PTPRT: variants seen among roughly 807,000 people sequenced by gnomAD.
PTPRT encodes protein tyrosine phosphatase receptor type T.
Under a neutral mutation model 176.8 loss-of-function variants are expected in PTPRT, and 56 were observed. The observed-to-expected ratio is 0.32, with a 90% CI of 0.26 to 0.40. The LOEUF is 0.40. Ranked by LOEUF, PTPRT falls within the 10% of genes least tolerant of loss-of-function variation. The pLI, the probability that PTPRT is intolerant of heterozygous loss-of-function variation, is 1.00. For synonymous variants in PTPRT, 783 were observed against 739.0 expected (o/e 1.06, Z -0.96); for missense variants, 1,540 against 1,908.2 (o/e 0.81, Z 3.60).
At chr20:42,712,298 C>T (rs1008055713) in intron 6 of PTPRT, among the ~76,000 whole-genome samples, 2 of 152,086 alleles carry the variant, frequency 1.3e-5, no homozygotes, top group African/African-American at 2.4e-5. Flanking sequence ...TTTCTCAGGC[C>T]ACAACTGGCT....
intron 16 of PTPRT, among the ~76,000 whole-genome samples, chr20:42,194,638 G>A (rs766614523): frequency 6.6e-6 from 1 of 152,150 alleles, no homozygotes; most frequent in African/African-American, 2.4e-5. Flanking sequence ...GCAAAAGATC[G>A]CAGAGAAAAA....
chr20:43,110,830 T>C (rs539293010), intron 1 of PTPRT, among the ~76,000 whole-genome samples: 1 of 152,210 alleles, frequency 6.6e-6, no homozygotes, highest in East Asian at 1.9e-4. Flanking sequence ...AAGAGACACC[T>C]GTATTTTCAT....
chr20:42,341,860 A>G (rs1006818470), intron 11 of PTPRT, among the ~76,000 whole-genome samples: 35 of 152,316 alleles, frequency 2.3e-4, no homozygotes, highest in African/African-American at 7.7e-4. Flanking sequence ...TTCATGTTCC[A>G]TCGACTGCTC....
chr20:43,187,136 G>A (rs1265293490), intron 1 of PTPRT, among the ~76,000 whole-genome samples: 3 of 152,142 alleles, frequency 2.0e-5, no homozygotes, highest in East Asian at 1.9e-4. Context: ...CTTCCGCCCC[G>A]ACTTTTGGAC....
At chr20:42,730,090 A>G (rs1269807192) in intron 6 of PTPRT, among the ~76,000 whole-genome samples, 1 of 152,198 alleles carries the variant, frequency 6.6e-6, no homozygotes, top group Non-Finnish European at 1.5e-5. Flanking sequence ...AAACACATGA[A>G]TCCATGTCTG....
intron 15 of PTPRT, among the ~76,000 whole-genome samples, chr20:42,213,714 G>GC (rs2055701092): frequency 1.3e-5 from 2 of 152,278 alleles, no homozygotes; most frequent in Non-Finnish European, 2.9e-5. Context: ...GGAGTGATGA[G>GC]CCATAAGCCA....
At chr20:42,525,549 C>A (rs1034578627) in intron 7 of PTPRT, among the ~76,000 whole-genome samples, 1 of 152,200 alleles carries the variant, frequency 6.6e-6, no homozygotes, top group Non-Finnish European at 1.5e-5. Flanking sequence ...CATAGTCATT[C>A]ACTTAAAAAC....
At chr20:42,438,376 G>C (rs570142719) in intron 9 of PTPRT, among the ~76,000 whole-genome samples, 2 of 152,258 alleles carry the variant, frequency 1.3e-5, no homozygotes, top group South Asian at 4.2e-4. Flanking sequence ...ATGAAAGAAA[G>C]TTTCTCCCCT....
chr20:42,413,928 G>A (rs1053409987), intron 9 of PTPRT, among the ~76,000 whole-genome samples: 6 of 152,244 alleles, frequency 3.9e-5, no homozygotes, highest in African/African-American at 4.8e-5. Context: ...TTGGCTCACC[G>A]CAACCTCCGC....
At chr20:43,145,387 GT>G (rs1369955711) in intron 1 of PTPRT, among the ~76,000 whole-genome samples, 1 of 152,142 alleles carries the variant, frequency 6.6e-6, no homozygotes, top group Non-Finnish European at 1.5e-5. Context: ...TCACTGATCT[GT>G]TTCCTATATC....
intron 16 of PTPRT, among the ~76,000 whole-genome samples, chr20:42,182,983 A>T (rs6102713): frequency 6.7e-6 from 1 of 149,254 alleles, no homozygotes. Flanking sequence ...TTGTGCTGTC[A>T]CTTTCCTTGA....
At chr20:43,180,435 G>C (rs1432271392) in intron 1 of PTPRT, among the ~76,000 whole-genome samples, 1 of 143,162 alleles carries the variant, frequency 7.0e-6, no homozygotes, top group Non-Finnish European at 1.5e-5. Flanking sequence ...GAGGGAGAGA[G>C]AGGGAGAGAG....
At chr20:42,450,836 G>A (rs2145860287) in intron 8 of PTPRT, among the ~76,000 whole-genome samples, 1 of 152,288 alleles carries the variant, frequency 6.6e-6, no homozygotes, top group Admixed American at 6.5e-5. Flanking sequence ...ATTCTGGAAA[G>A]AGAGACAGAC....
intron 2 of PTPRT, among the ~76,000 whole-genome samples, chr20:42,813,253 A>T (rs1600775997): frequency 6.6e-6 from 1 of 152,136 alleles, no homozygotes; most frequent in East Asian, 1.9e-4. Context: ...CCTGGTGTTC[A>T]TATCAAATTG....
chr20:42,678,231 A>C (rs2075542521), intron 6 of PTPRT, 72 bp from the exon 7 acceptor site: 2 of 1,431,938 alleles, frequency 1.4e-6, no homozygotes, highest in East Asian at 4.7e-5. Flanking sequence ...GCACATGACG[A>C]CAAGGGACAG....
chr20:42,633,375 C>T (rs6093707), intron 7 of PTPRT, among the ~76,000 whole-genome samples: 17,398 of 152,044 alleles, frequency 0.11, 3,319 homozygotes, highest in African/African-American at 0.39. Context: ...CATGACTGTG[C>T]TTGGAGAACG....
intron 9 of PTPRT, among the ~76,000 whole-genome samples, chr20:42,422,608 A>G (rs1423687721): frequency 1.3e-5 from 2 of 152,238 alleles, no homozygotes; most frequent in Non-Finnish European, 2.9e-5. Context: ...TGGCAGTGTA[A>G]GTTAATTCAG....
intron 11 of PTPRT, among the ~76,000 whole-genome samples, chr20:42,317,448 G>T (rs537890043): frequency 6.6e-6 from 1 of 152,148 alleles, no homozygotes; most frequent in South Asian, 2.1e-4. Context: ...TGGGACTCAT[G>T]ATCTAAAACA....
At chr20:42,757,619 A>C (rs1230886421) in intron 5 of PTPRT, among the ~76,000 whole-genome samples, 1 of 152,234 alleles carries the variant, frequency 6.6e-6, no homozygotes, top group African/African-American at 2.4e-5. Context: ...GTATGATACA[A>C]ACTTTCCACA....
Sources: allele counts gnomAD v4.1 joint callset (sites outside exome capture counted in the v4.1 genomes callset), GRCh38; gene constraint gnomAD v4.1.1; transcripts MANE v1.5; gene names NCBI Gene and HGNC (gene_info 2026-07-23, HGNC 2026-07-21).